NEK11: variants seen among roughly 807,000 people sequenced by gnomAD.
The protein encoded by NEK11 is NIMA related kinase 11.
A neutral mutation model predicts 80.7 loss-of-function variants in NEK11; 72 were observed. That is an observed-to-expected ratio of 0.89 (90% CI 0.74 to 1.08). The LOEUF is 1.08. Ranked by LOEUF, NEK11 falls within the 50% of genes least tolerant of loss-of-function variation. The pLI is 0.00. For missense variants in NEK11, 764 were observed against 763.6 expected, an observed-to-expected ratio of 1.00 and a Z score of -0.01; for synonymous variants, 251 against 260.7, an observed-to-expected ratio of 0.96 and a Z score of 0.36.
chr3:131,203,310 T>C (rs1433445301), intron 14 of NEK11, among the ~76,000 whole-genome samples: 1 of 151,632 alleles, frequency 6.6e-6, no homozygotes, highest in African/African-American at 2.4e-5. Flanking sequence ...ACCATCATTC[T>C]CAGCAAACTA....
At chr3:131,310,030 G>T in intron 17 of NEK11, among the ~76,000 whole-genome samples, 1 of 113,592 alleles carries the variant, frequency 8.8e-6, no homozygotes, top group African/African-American at 3.2e-5. Context: ...AAAACAACCT[G>T]TAGATATGAT....
intron 17 of NEK11, among the ~76,000 whole-genome samples, chr3:131,319,172 T>G (rs1198368005): frequency 6.6e-6 from 1 of 152,186 alleles, no homozygotes; most frequent in Non-Finnish European, 1.5e-5. Flanking sequence ...TCTTACTTAT[T>G]GCCAAATTGA....
chr3:131,185,047 A>G (rs2093542186), intron 14 of NEK11, among the ~76,000 whole-genome samples: 1 of 152,166 alleles, frequency 6.6e-6, no homozygotes, highest in Non-Finnish European at 1.5e-5. Context: ...TATAGTCTGT[A>G]TTACAGGTGC....
intron 15 of NEK11, among the ~76,000 whole-genome samples, chr3:131,236,341 G>A (rs186504647): frequency 2.8e-4 from 42 of 152,256 alleles, no homozygotes; most frequent in Non-Finnish European, 4.7e-4. Flanking sequence ...GTTTTGGGTA[G>A]GTGTTACGTT....
At chr3:131,170,484 GGAGT>G (rs1177652639) in intron 13 of NEK11, among the ~76,000 whole-genome samples, 1 of 152,146 alleles carries the variant, frequency 6.6e-6, no homozygotes, top group Admixed American at 6.5e-5. Context: ...AGCTGTCAAT[GGAGT>G]GAGTACCTTC....
intron 17 of NEK11, among the ~76,000 whole-genome samples, chr3:131,342,549 C>CTTT (rs201528368): frequency 1.7e-4 from 23 of 135,792 alleles, no homozygotes; most frequent in African/African-American, 5.2e-4. Context: ...CTCCTGGTGT[C>CTTT]TTTTTTTTTT....
intron 5 of NEK11, among the ~76,000 whole-genome samples, chr3:131,118,964 A>G (rs1195117067): frequency 2.6e-5 from 4 of 151,862 alleles, no homozygotes; most frequent in Admixed American, 6.6e-5. Context: ...TTGTGTCTCT[A>G]TCTTCTTCAG....
chr3:131,100,244 G>T (rs749468141), intron 4 of NEK11, among the ~76,000 whole-genome samples: 3 of 152,046 alleles, frequency 2.0e-5, no homozygotes, highest in Non-Finnish European at 2.9e-5. Flanking sequence ...TTGTTTATGT[G>T]GTGGGTGAAT....
At chr3:131,319,034 C>A (rs999821408) in intron 17 of NEK11, among the ~76,000 whole-genome samples, 1 of 151,774 alleles carries the variant, frequency 6.6e-6, no homozygotes, top group African/African-American at 2.4e-5. Context: ...AGTTTTATAA[C>A]TCATATATAA....
chr3:131,138,696 T>A (rs1266414965), intron 7 of NEK11, among the ~76,000 whole-genome samples: 5 of 152,170 alleles, frequency 3.3e-5, no homozygotes, highest in Admixed American at 6.5e-5. Context: ...AGACCCCATT[T>A]GTTTGGGAGA....
chr3:131,338,677 A>G (rs1214759630), intron 17 of NEK11, among the ~76,000 whole-genome samples: 1 of 152,252 alleles, frequency 6.6e-6, no homozygotes, highest in Non-Finnish European at 1.5e-5. Flanking sequence ...GGAACAAATT[A>G]TAATACACAC....
intron 16 of NEK11, among the ~76,000 whole-genome samples, chr3:131,246,424 C>A (rs2095603852): frequency 1.3e-5 from 2 of 152,126 alleles, no homozygotes; most frequent in African/African-American, 4.8e-5. Context: ...GCTGCAAATG[C>A]CATTATTTCA....
chr3:131,193,135 G>A (rs1189421973), intron 14 of NEK11, among the ~76,000 whole-genome samples: 3 of 152,114 alleles, frequency 2.0e-5, no homozygotes, highest in Non-Finnish European at 4.4e-5. Flanking sequence ...TATCATGAAA[G>A]TTAACCATGT....
At chr3:131,165,747 A>C (rs957558313) in intron 12 of NEK11, among the ~76,000 whole-genome samples, 2 of 152,164 alleles carry the variant, frequency 1.3e-5, no homozygotes, top group African/African-American at 4.8e-5. Flanking sequence ...TCAAGCTCCT[A>C]CTCTGTACAA....
At chr3:131,054,455 T>G (rs1485290464) in intron 3 of NEK11, 1 of 152,128 alleles carries the variant, frequency 6.6e-6, no homozygotes, top group Non-Finnish European at 1.5e-5. Context: ...CCGTGAAGGA[T>G]ATCTCAACTT....
chr3:131,222,786 G>A (rs563438450), intron 14 of NEK11, among the ~76,000 whole-genome samples: 1 of 152,310 alleles, frequency 6.6e-6, no homozygotes, highest in South Asian at 2.1e-4. Context: ...TACCACACCA[G>A]ACCTGCTGAA....
chr3:131,075,830 C>T (rs1395577384), intron 3 of NEK11, among the ~76,000 whole-genome samples: 1 of 152,128 alleles, frequency 6.6e-6, no homozygotes. Context: ...AGCAGCCACC[C>T]TTTGCCAGTT....
At position 131,338,398 on chromosome 3, in the gene NEK11, C is replaced by A. The variant is rs540311250; in HGVS notation, c.1719-11159C>A. ...GGAAAACAGTTGAGTGGTTTCTTCA[C>A]ACTTGATCTTCACCAAACGGCTGAG... On this transcript the variant is annotated intron_variant, in intron 17 of 17. Transcript: ENST00000383366. Among the ~76,000 whole-genome samples the A allele has an allele frequency of 3.3e-5, 5 of 150,890 alleles. No homozygotes were observed. The East Asian group carries it at 1.0e-3, about 30-fold the overall frequency.
chr3:131,195,538 G>T (rs1452187530), intron 14 of NEK11, among the ~76,000 whole-genome samples: 1 of 151,958 alleles, frequency 6.6e-6, no homozygotes, highest in Non-Finnish European at 1.5e-5. Context: ...TATTTGCAGA[G>T]AATCCTTCCC....
Sources: allele counts gnomAD v4.1 joint callset (sites outside exome capture counted in the v4.1 genomes callset), GRCh38; gene constraint gnomAD v4.1.1; transcripts MANE v1.5; gene names NCBI Gene and HGNC (gene_info 2026-07-23, HGNC 2026-07-21).